Variants in DYNC2H1 observed in about 807,000 individuals in gnomAD.
DYNC2H1 encodes the protein dynein cytoplasmic 2 heavy chain 1.
In DYNC2H1, 410 loss-of-function variants were observed where a neutral mutation model predicts 570.0. The observed-to-expected ratio is 0.72, with a 90% CI of 0.66 to 0.78. The LOEUF is 0.78. Among genes scored for constraint, DYNC2H1 ranks in the 30% least tolerant of loss-of-function variants. The pLI, the probability that DYNC2H1 is intolerant of heterozygous loss-of-function variation, is 0.00. For synonymous variants in DYNC2H1, 1,688 were observed against 1,677.6 expected (o/e 1.01, Z -0.15); for missense variants, 4,865 against 5,046.4 (o/e 0.96, Z 1.09).
At chr11:103,288,992 C>G (rs1866479310) in intron 75 of DYNC2H1, among the ~76,000 whole-genome samples, 1 of 151,856 alleles carries the variant, frequency 6.6e-6, no homozygotes, top group Non-Finnish European at 1.5e-5. Flanking sequence ...TATTGTAAAA[C>G]CTAAGATCAG....
chr11:103,216,034 T>C (rs1221562441), intron 55 of DYNC2H1, 176 bp downstream of exon 55: 7 of 685,426 alleles, frequency 1.0e-5, no homozygotes, highest in African/African-American at 3.6e-5. Flanking sequence ...TTTTCCTATA[T>C]TGTTTAGACT....
intron 83 of DYNC2H1, among the ~76,000 whole-genome samples, chr11:103,391,891 G>A (rs896281827): frequency 5.7e-5 from 8 of 140,210 alleles, no homozygotes; most frequent in African/African-American, 9.9e-5. Context: ...GCCGTGTGAG[G>A]TGTCATTGTG....
chr11:103,465,028 ATACTT>A lies in DYNC2H1; in HGVS notation c.12649-3558_12649-3554del, dbSNP rs772746099. On this transcript the variant is annotated intron_variant, in intron 87 of 88. Transcript: ENST00000375735. This position sits in a 1 kb window ranked among gnomAD's most constrained non-coding sequence, Gnocchi z 4.9. ...AAATTCATACTATGTTCAGTACTGA[ATACTT>A]TAAGAATTTATTAGAAAGTTTTACA... is the stretch of plus-strand genomic sequence containing the variant. Among the ~76,000 whole-genome samples, 3 of 152,216 alleles carry A rather than the reference ATACTT, an allele frequency of 2.0e-5. No individual in the cohort carries two copies. Among genetic ancestry groups the A allele is most frequent in the Non-Finnish European group, 4.4e-5 (3 of 68,026 alleles).
In DYNC2H1 at chr11:103,189,557, A is replaced by G. The variant is rs1297153921; in HGVS notation, c.7293-115A>G. ...TTAGCCCCCTGGGTAAGCTTTGGAG[A>G]TATGTAGGTCTTAGAGCAGCACAGT... On this transcript the variant is annotated intron_variant, in intron 44 of 88. Coordinates refer to ENST00000375735, the MANE Select transcript of DYNC2H1 (RefSeq NM_001377.3). The surrounding 1 kb of genome is among the most constrained non-coding windows in gnomAD (Gnocchi z 4.3). The G allele has an allele frequency of 9.3e-6, 9 of 972,840 alleles. No homozygotes were observed. The South Asian group carries it at 1.3e-4, about 14-fold the overall frequency. 60.3% of individuals were successfully genotyped at this position (972,840 alleles called of 1,614,324 possible).
chr11:103,124,124 G>T (rs926880533), intron 11 of DYNC2H1, among the ~76,000 whole-genome samples: 1 of 151,898 alleles, frequency 6.6e-6, no homozygotes, highest in Non-Finnish European at 1.5e-5. Context: ...TCTAATACCT[G>T]CAATTTTTCT....
chr11:103,399,137 CGTTTTTTTTTT>C (rs931587174), intron 83 of DYNC2H1, among the ~76,000 whole-genome samples: 9 of 125,582 alleles, frequency 7.2e-5, no homozygotes, highest in East Asian at 2.3e-4. Context: ...TTTCCCACAC[CGTTTTTTTTTT>C]GTTTTTTTTT....
intron 84 of DYNC2H1, among the ~76,000 whole-genome samples, chr11:103,400,495 C>T (rs914831100): frequency 2.6e-5 from 4 of 152,036 alleles, no homozygotes; most frequent in South Asian, 2.1e-4. Context: ...AAAATTGGAC[C>T]ATTTTAAATG....
intron 85 of DYNC2H1, among the ~76,000 whole-genome samples, chr11:103,454,805 T>C (rs1944729394): frequency 6.6e-6 from 1 of 152,180 alleles, no homozygotes; most frequent in Non-Finnish European, 1.5e-5. Context: ...AATCTGGAAC[T>C]GGAACCCTTA....
In DYNC2H1 at chr11:103,203,605, A is replaced by C; in HGVS notation, c.8198-58A>C. 8.7e-7 allele frequency: 1 copy of C among 1,153,346 alleles called. No individual in the cohort carries two copies. The highest frequency in any genetic ancestry group is 1.2e-6 in the Non-Finnish European group (1 of 824,786). The allele number at this position is 1,153,346 out of a possible 1,614,324, so 71.4% of individuals were successfully genotyped here. A position where few individuals can be genotyped will look rare whatever the true frequency, so the allele number is the denominator to read the frequency against. On this transcript the variant is annotated intron_variant, in intron 50 of 88. Transcript: ENST00000375735. The surrounding 1 kb of genome is among the most constrained non-coding windows in gnomAD (Gnocchi z 4.7). ...AATAAGAGCAGATTTTTAAATACAA[A>C]AATTGAAAAAGCATCATTTATTAAA...
At chr11:103,115,343 T>C in intron 4 of DYNC2H1, 48 bp downstream of exon 4, 1 of 1,282,944 alleles carries the variant, frequency 7.8e-7, no homozygotes, top group Non-Finnish European at 1.1e-6. Flanking sequence ...ATAAAAGTAC[T>C]TTGGGATTCA....
intron 83 of DYNC2H1, among the ~76,000 whole-genome samples, chr11:103,362,795 C>T (rs927325068): frequency 5.3e-5 from 8 of 152,104 alleles, no homozygotes; most frequent in East Asian, 1.9e-4. Flanking sequence ...TTTGGGAGGC[C>T]GAAGTGGGAG....
At chr11:103,130,072 A>C (rs1859195213) in intron 13 of DYNC2H1, among the ~76,000 whole-genome samples, 1 of 152,218 alleles carries the variant, frequency 6.6e-6, no homozygotes, top group South Asian at 2.1e-4. Flanking sequence ...CTCCCAGTGG[A>C]ATCACAGAGG....
In DYNC2H1 at chr11:103,203,628, A is replaced by G. The variant is rs752356490; in HGVS notation, c.8198-35A>G. The G allele has an allele frequency of 7.4e-7, 1 of 1,350,064 alleles. No individual in the cohort carries two copies. The allele number at this position is 1,350,064 out of a possible 1,614,324, so 83.6% of individuals were successfully genotyped here. Reference sequence around the variant, plus strand: ...AAAAATTGAAAAAGCATCATTTATTAAAATGTTTTCAATTAGTCTAATATT... The same window carrying G: ...AAAAATTGAAAAAGCATCATTTATTGAAATGTTTTCAATTAGTCTAATATT... On this transcript the variant is annotated intron_variant, in intron 50 of 88. Transcript: ENST00000375735. The surrounding 1 kb of genome is among the most constrained non-coding windows in gnomAD (Gnocchi z 4.7).
Position 103,125,265 on chromosome 11 carries a change from A to G in DYNC2H1, c.1827A>G (p.Lys609=), listed in dbSNP as rs1278141137. 2.5e-6 allele frequency: 4 copies of G among 1,609,508 alleles called. No homozygotes were observed. In the South Asian group the frequency reaches 4.4e-5, roughly 18 times the overall value. ...KIQQVANIAQ[K]FCKQAIILKQ... ...AGCAAGTTGCAAACATTGCACAGAA[A>G]TTCTGCAAGCAAGCAATTATTCTTA... The change falls in exon 12 of 89, where the codon AAA becomes AAG. Residue 609 remains lysine, a synonymous_variant. Coordinates refer to ENST00000375735, the MANE Select transcript of DYNC2H1 (RefSeq NM_001377.3).
At chr11:103,302,743 A>G (rs1867100418) in intron 75 of DYNC2H1, among the ~76,000 whole-genome samples, 1 of 152,078 alleles carries the variant, frequency 6.6e-6, no homozygotes. Context: ...GGTTGGGTTC[A>G]GTCTTCTCTT....
At chr11:103,118,725 A>G (rs1314382632) in intron 6 of DYNC2H1, among the ~76,000 whole-genome samples, 1 of 152,184 alleles carries the variant, frequency 6.6e-6, no homozygotes, top group African/African-American at 2.4e-5. Flanking sequence ...AGGTGCACCC[A>G]TTGTATTTGG....
intron 63 of DYNC2H1, among the ~76,000 whole-genome samples, chr11:103,237,012 A>G (rs897663798): frequency 1.3e-5 from 2 of 152,048 alleles, no homozygotes; most frequent in African/African-American, 4.8e-5. Context: ...CACATTTTCC[A>G]AAGCTATTTA....
intron 83 of DYNC2H1, 58 bp downstream of exon 83, chr11:103,358,417 T>C: frequency 8.4e-7 from 1 of 1,185,004 alleles, no homozygotes; most frequent in Non-Finnish European, 1.2e-6. Context: ...CGTAACCATG[T>C]GCTCCCCATT....
intron 84 of DYNC2H1, among the ~76,000 whole-genome samples, chr11:103,417,990 TAAA>T (rs58195879): frequency 5.9e-5 from 8 of 135,670 alleles, no homozygotes; most frequent in Admixed American, 5.2e-4. Context: ...TAGTCGTGAT[TAAA>T]AAAAAAAAAA....
Sources: allele counts gnomAD v4.1 joint callset (sites outside exome capture counted in the v4.1 genomes callset), GRCh38; gene constraint gnomAD v4.1.1; non-coding constraint Gnocchi (gnomAD v3.1); transcripts MANE v1.5; gene names NCBI Gene and HGNC (gene_info 2026-07-23, HGNC 2026-07-21).